Variants in ATRNL1 observed in about 807,000 individuals in gnomAD.
The protein encoded by ATRNL1 is attractin-like protein 1.
A neutral mutation model predicts 182.7 loss-of-function variants in ATRNL1; 95 were observed. That is an observed-to-expected ratio of 0.52 (90% CI 0.44 to 0.62). The LOEUF (loss-of-function observed/expected upper bound fraction) is 0.62, where lower values mean the gene tolerates loss of function less well. Among genes scored for constraint, ATRNL1 ranks in the 20% least tolerant of loss-of-function variants. The pLI is 0.00. For synonymous variants in ATRNL1, 576 were observed against 568.3 expected, an observed-to-expected ratio of 1.01 and a Z score of -0.19; for missense variants, 1,471 against 1,679.5, an observed-to-expected ratio of 0.88 and a Z score of 2.17.
chr10:115,674,142 C>A (rs1196928672), intron 26 of ATRNL1, among the ~76,000 whole-genome samples: 1 of 151,972 alleles, frequency 6.6e-6, no homozygotes, highest in African/African-American at 2.4e-5. Flanking sequence ...TAATGCTTAC[C>A]AAATATTCTA....
intron 26 of ATRNL1, among the ~76,000 whole-genome samples, chr10:115,642,697 G>A (rs1859332045): frequency 6.6e-6 from 1 of 152,046 alleles, no homozygotes. Context: ...CGCCCGCCTT[G>A]GCCTCCCAAA....
chr10:115,713,477 G>GTGTTTCTGTGTGTT (rs1565310484), intron 26 of ATRNL1, among the ~76,000 whole-genome samples: 2 of 150,024 alleles, frequency 1.3e-5, no homozygotes, highest in South Asian at 4.3e-4. Flanking sequence ...TTGTGTGTGT[G>GTGTTTCTGTGTGTT]TCTGTGTGAA....
intron 13 of ATRNL1, among the ~76,000 whole-genome samples, chr10:115,269,326 G>A (rs569566888): frequency 6.6e-6 from 1 of 151,786 alleles, no homozygotes; most frequent in Admixed American, 6.6e-5. Flanking sequence ...TAGAATTAAA[G>A]ATTTTTTTGT....
rs116790977 is a variant in ATRNL1 at position 115,617,854 on chromosome 10, G to C, written c.3795+68318G>C. Among the ~76,000 whole-genome samples the C allele has an allele frequency of 4.2e-3, 639 of 152,270 alleles. 5 individuals are homozygous for C. The highest frequency in any genetic ancestry group is 0.014 in the African/African-American group (573 of 41,556). On this transcript the variant is annotated intron_variant, in intron 26 of 28. Transcript: ENST00000355044. Reference sequence around the variant, plus strand: ...GCCTGGGGTGGACTTACTTTGTTTGGATCTGTGTTCCTACCCAAAGCTCAT... The same window carrying C: ...GCCTGGGGTGGACTTACTTTGTTTGCATCTGTGTTCCTACCCAAAGCTCAT...
At position 115,160,013 on chromosome 10, in the gene ATRNL1, T is replaced by C. The variant is rs782464004; in HGVS notation, c.830-27T>C. ...AATCTGAGGGCTTTGTTTAATCTAGTGTGTTGTTTCATTTTTTTTTTAATA... is the reference window on the plus strand; with the variant it reads ...AATCTGAGGGCTTTGTTTAATCTAGCGTGTTGTTTCATTTTTTTTTTAATA... On this transcript the variant is annotated intron_variant, in intron 5 of 28. Transcript: ENST00000355044. 11 of 1,531,020 alleles carry C rather than the reference T, an allele frequency of 7.2e-6. No individual in the cohort carries two copies. In the South Asian group the frequency reaches 1.4e-4, roughly 19 times the overall value. 94.8% of individuals were successfully genotyped at this position (1,531,020 alleles called of 1,614,324 possible).
chr10:115,817,404 A>G (rs1950189618), intron 27 of ATRNL1, among the ~76,000 whole-genome samples: 1 of 152,166 alleles, frequency 6.6e-6, no homozygotes, highest in African/African-American at 2.4e-5. Flanking sequence ...CTGAAAGACC[A>G]TAATTTATTT....
At chr10:115,604,718 T>C (rs899378201) in intron 26 of ATRNL1, among the ~76,000 whole-genome samples, 10 of 152,230 alleles carry the variant, frequency 6.6e-5, no homozygotes, top group Admixed American at 3.3e-4. Context: ...TGACTCACTT[T>C]ATTTGTTTCC....
chr10:115,102,917 A>G (rs1843836471), intron 1 of ATRNL1, among the ~76,000 whole-genome samples: 1 of 152,026 alleles, frequency 6.6e-6, no homozygotes, highest in South Asian at 2.1e-4. Context: ...TGATATGTAA[A>G]TAATATTGAA....
chr10:115,219,245 A>G (rs1476402387), intron 9 of ATRNL1, among the ~76,000 whole-genome samples: 3 of 152,052 alleles, frequency 2.0e-5, no homozygotes, highest in South Asian at 2.1e-4. Flanking sequence ...AAAAAAAAAA[A>G]AAAAGAAAAA....
At chr10:115,639,357 T>C (rs1236356949) in intron 26 of ATRNL1, among the ~76,000 whole-genome samples, 2 of 152,340 alleles carry the variant, frequency 1.3e-5, no homozygotes, top group East Asian at 1.9e-4. Flanking sequence ...TAAAATCATT[T>C]ATCTGCTACA....
At chr10:115,184,049 T>C (rs1311941075) in intron 8 of ATRNL1, among the ~76,000 whole-genome samples, 2 of 151,500 alleles carry the variant, frequency 1.3e-5, no homozygotes, top group African/African-American at 4.8e-5. Flanking sequence ...TACACATTAA[T>C]AGATAATTAA....
chr10:115,683,737 T>G (rs1263986988), intron 26 of ATRNL1, among the ~76,000 whole-genome samples: 1 of 151,836 alleles, frequency 6.6e-6, no homozygotes, highest in Non-Finnish European at 1.5e-5. Context: ...AAAATCCAGA[T>G]GAATCACGGA....
At chr10:115,229,582 A>G (rs1293660579) in intron 9 of ATRNL1, among the ~76,000 whole-genome samples, 3 of 152,088 alleles carry the variant, frequency 2.0e-5, no homozygotes, top group African/African-American at 7.2e-5. Flanking sequence ...TAATAGAAAT[A>G]TATACGCACA....
At chr10:115,529,512 T>C (rs1304565166) in intron 25 of ATRNL1, among the ~76,000 whole-genome samples, 1 of 130,530 alleles carries the variant, frequency 7.7e-6, no homozygotes, top group Non-Finnish European at 1.8e-5. Flanking sequence ...AGCTTCTTAT[T>C]AATTGAATGA....
chr10:115,646,415 T>G (rs980245572), intron 26 of ATRNL1, among the ~76,000 whole-genome samples: 5 of 152,140 alleles, frequency 3.3e-5, no homozygotes, highest in Admixed American at 6.6e-5. Context: ...TAAAGACCCC[T>G]GTTCTTTCCA....
At chr10:115,353,698 T>C (rs1856373809) in intron 19 of ATRNL1, among the ~76,000 whole-genome samples, 1 of 152,184 alleles carries the variant, frequency 6.6e-6, no homozygotes, top group Non-Finnish European at 1.5e-5. Context: ...TATGTTTTAA[T>C]TCCTTGCTTT....
chr10:115,910,285 T>C (rs1273394488), intron 28 of ATRNL1, among the ~76,000 whole-genome samples: 1 of 152,228 alleles, frequency 6.6e-6, no homozygotes, highest in Non-Finnish European at 1.5e-5. Flanking sequence ...ACCCTTTACA[T>C]AGACCTCTTT....
chr10:115,265,315 TATATC>T (rs782439475), intron 11 of ATRNL1, 38 bp downstream of exon 11: 2 of 1,275,096 alleles, frequency 1.6e-6, no homozygotes, highest in Admixed American at 1.8e-5. Flanking sequence ...GAGGGTCACT[TATATC>T]AGTCATACTA....
intron 5 of ATRNL1, among the ~76,000 whole-genome samples, chr10:115,156,189 C>A (rs1267015938): frequency 1.3e-5 from 2 of 152,080 alleles, no homozygotes; most frequent in East Asian, 3.9e-4. Context: ...AACTTTTATA[C>A]TTTAACATGT....
Sources: allele counts gnomAD v4.1 joint callset (sites outside exome capture counted in the v4.1 genomes callset), GRCh38; gene constraint gnomAD v4.1.1; transcripts MANE v1.5; gene names NCBI Gene and HGNC (gene_info 2026-07-23, HGNC 2026-07-21).